PCDHA2: variants seen among roughly 807,000 people sequenced by gnomAD.
PCDHA2 encodes the protein protocadherin alpha 2, also known as protocadherin alpha-2.
Under a neutral mutation model 66.0 loss-of-function variants are expected in PCDHA2, and 58 were observed. The ratio of observed to expected loss-of-function variants is 0.88; its 90% CI spans 0.71 to 1.09. The LOEUF (loss-of-function observed/expected upper bound fraction) is 1.09, where lower values mean the gene tolerates loss of function less well. Ranked by LOEUF, PCDHA2 falls within the 50% of genes least tolerant of loss-of-function variation. The pLI, the probability that PCDHA2 is intolerant of heterozygous loss-of-function variation, is 0.00. For synonymous variants in PCDHA2, 634 were observed against 554.0 expected (o/e 1.14, Z -2.03); for missense variants, 1,267 against 1,242.3 (o/e 1.02, Z -0.30).
intron 3 of PCDHA2, among the ~76,000 whole-genome samples, chr5:140,999,830 T>C (rs146250053): frequency 2.0e-5 from 3 of 152,238 alleles, no homozygotes; most frequent in Non-Finnish European, 4.4e-5. Context: ...GCTTTAAAAA[T>C]ATGCCAAGTG....
At chr5:140,990,109 T>C (rs2097374572) in intron 3 of PCDHA2, among the ~76,000 whole-genome samples, 1 of 151,886 alleles carries the variant, frequency 6.6e-6, no homozygotes, top group African/African-American at 2.4e-5. Context: ...AAACAGGAAA[T>C]TGAGAGCTCT....
In PCDHA2 at chr5:140,843,453, T is replaced by A. The variant is rs1554140092; in HGVS notation, c.2388+46101T>A. Reference sequence around the variant, plus strand: ...GCCATCTGCGCGGTATCCAGCCTGCTGGTGCTCACGCTGCTGCTGTACACT... The same window carrying A: ...GCCATCTGCGCGGTATCCAGCCTGCAGGTGCTCACGCTGCTGCTGTACACT... On this transcript the variant is annotated intron_variant, in intron 1 of 3. Coordinates refer to ENST00000526136, the MANE Select transcript of PCDHA2 (RefSeq NM_018905.3). 5.6e-6 allele frequency: 9 copies of A among 1,596,126 alleles called. No individual in the cohort carries two copies. Among genetic ancestry groups the A allele is most frequent in the Non-Finnish European group, 7.7e-6 (9 of 1,165,636 alleles).
intron 3 of PCDHA2, 29 bp from the exon 4 acceptor site, chr5:141,009,598 T>C: frequency 6.2e-7 from 1 of 1,606,306 alleles, no homozygotes; most frequent in Non-Finnish European, 8.5e-7. Flanking sequence ...GTTGACCCTG[T>C]TAATGATTTG....
At chr5:140,809,215 A>G (rs782469870) in intron 1 of PCDHA2, 1 of 1,614,050 alleles carries the variant, frequency 6.2e-7, no homozygotes, top group South Asian at 1.1e-5. Flanking sequence ...GACAGGCGCC[A>G]AAGGCCTCCT....
At chr5:140,987,635 G>A (rs2097262928) in intron 3 of PCDHA2, among the ~76,000 whole-genome samples, 3 of 152,176 alleles carry the variant, frequency 2.0e-5, no homozygotes, top group Non-Finnish European at 4.4e-5. Context: ...ATGAGATAAT[G>A]CACACATATT....
At position 140,878,940 on chromosome 5, in the gene PCDHA2, A is replaced by G. The variant is rs554609702; in HGVS notation, c.2388+81588A>G. ...CTTCAATCAATAATTTTAAATAAATATATGGTATTGAAATGTATTACCTGG... is the reference window on the plus strand; with the variant it reads ...CTTCAATCAATAATTTTAAATAAATGTATGGTATTGAAATGTATTACCTGG... On this transcript the variant is annotated intron_variant, in intron 1 of 3. Transcript: ENST00000526136. 9.8e-5 allele frequency among the ~76,000 whole-genome samples: 15 copies of G among 152,366 alleles called. No individual in the cohort carries two copies. In the East Asian group the frequency reaches 2.3e-3, roughly 23 times the overall value.
At chr5:141,005,822 C>T (rs1248291613) in intron 3 of PCDHA2, among the ~76,000 whole-genome samples, 2 of 151,298 alleles carry the variant, frequency 1.3e-5, no homozygotes, top group Non-Finnish European at 2.9e-5. Context: ...GTATGGTGGC[C>T]TGTAGTCCCA....
chr5:140,841,238 G>T, intron 1 of PCDHA2: 1 of 1,482,530 alleles, frequency 6.7e-7, no homozygotes, highest in Non-Finnish European at 9.1e-7. Flanking sequence ...GAGATGCAGC[G>T]GAATTGGATT....
chr5:140,828,122 A>T, intron 1 of PCDHA2: 2 of 1,612,976 alleles, frequency 1.2e-6, no homozygotes. Context: ...TAGATTGGGA[A>T]AGCAATGTCT....
chr5:140,853,422 G>A, intron 1 of PCDHA2: 8 of 986,108 alleles, frequency 8.1e-6, no homozygotes, highest in Non-Finnish European at 9.8e-6. Flanking sequence ...GAAAGCAGAA[G>A]AGACACTTTC....
In PCDHA2 at chr5:140,893,407, C is replaced by T. The variant is rs782798159; in HGVS notation, c.2389-85542C>T. Among the ~76,000 whole-genome samples, 300 of 152,168 alleles carry T rather than the reference C, an allele frequency of 2.0e-3. 2 individuals are homozygous for T. The highest frequency in any genetic ancestry group is 3.7e-3 in the Non-Finnish European group (250 of 67,998). The stretch of plus-strand genomic sequence containing the variant: ...GTGGCTCATGCCTGTAATCCCAGCA[C>T]TTAGGGAGGCAGAGGCAGGAAGATC... On this transcript the variant is annotated intron_variant, in intron 1 of 3. Transcript: ENST00000526136.
At chr5:140,823,060 G>A in intron 1 of PCDHA2, 1 of 1,614,138 alleles carries the variant, frequency 6.2e-7, no homozygotes, top group Non-Finnish European at 8.5e-7. Context: ...CGCGCGGGAC[G>A]GGGGCTCGCC....
At position 140,836,014 on chromosome 5, in the gene PCDHA2, C is replaced by T. The variant is rs1554135544; in HGVS notation, c.2388+38662C>T. The T allele has an allele frequency of 4.3e-6, 7 of 1,613,364 alleles. No individual in the cohort carries two copies. In the Admixed American group the frequency reaches 8.3e-5, roughly 19 times the overall value. On this transcript the variant is annotated intron_variant, in intron 1 of 3. Transcript: ENST00000526136. ...AGCGCGCGCGATGCGGGCGTGCCGC[C>T]TCTGGGCAGCAACGTGACGCTGCAG...
intron 1 of PCDHA2, chr5:140,966,931 C>T: frequency 6.2e-7 from 1 of 1,603,674 alleles, no homozygotes; most frequent in Non-Finnish European, 8.5e-7. Flanking sequence ...AGGCACCCGG[C>T]GCGCTCGTGG....
At chr5:140,802,448 C>G (rs782040160) in intron 1 of PCDHA2, 4 of 1,614,080 alleles carry the variant, frequency 2.5e-6, no homozygotes, top group South Asian at 2.2e-5. Context: ...ACCGCGAGAG[C>G]GTGTCGGCCT....
chr5:140,857,295 G>A, intron 1 of PCDHA2: 1 of 1,598,726 alleles, frequency 6.3e-7, no homozygotes, highest in Non-Finnish European at 8.6e-7. Flanking sequence ...GACCGCGAGA[G>A]GGTGTCGGCC....
intron 1 of PCDHA2, chr5:140,817,261 G>A (rs1417555256): frequency 6.6e-6 from 1 of 152,206 alleles, no homozygotes. Context: ...ATTTCCCCCT[G>A]TTTGAATGGA....
rs2150389319 is a variant in PCDHA2, at chr5:140,846,377, T to C, written c.2388+49025T>C. On this transcript the variant is annotated intron_variant, in intron 1 of 3. Transcript: ENST00000526136. The stretch of plus-strand genomic sequence containing the variant: ...TTTCTTTTCTTTTCTTTCTTTCTTT[T>C]TTTTTTTTTTTTTTTGAGACGGAGT... Among the ~76,000 whole-genome samples the C allele has an allele frequency of 1.3e-3, 177 of 134,738 alleles. 13 individuals carry two copies. The highest frequency in any genetic ancestry group is 3.8e-3 in the African/African-American group (141 of 37,120). The allele number at this position is 134,738 out of a possible 152,430, so 88.4% of individuals were successfully genotyped here.
At chr5:140,828,868 A>C (rs2150159901) in intron 1 of PCDHA2, 5 of 1,614,142 alleles carry the variant, frequency 3.1e-6, no homozygotes, top group Non-Finnish European at 1.7e-6. Flanking sequence ...ACAACGGAAC[A>C]ACAGTTATCA....
Sources: allele counts gnomAD v4.1 joint callset (sites outside exome capture counted in the v4.1 genomes callset), GRCh38; gene constraint gnomAD v4.1.1; transcripts MANE v1.5; gene names NCBI Gene and HGNC (gene_info 2026-07-23, HGNC 2026-07-21).